The following IFT88 variants were observed in gnomAD, a reference collection of about 807,000 sequenced individuals.
The protein encoded by IFT88 is intraflagellar transport protein 88 homolog.
IFT88 carries 74 observed loss-of-function variants against 119.5 expected under a neutral mutation model. That is an observed-to-expected ratio of 0.62 (90% CI 0.51 to 0.75). The LOEUF (loss-of-function observed/expected upper bound fraction) is 0.75, where lower values mean the gene tolerates loss of function less well. Among genes scored for constraint, IFT88 ranks in the 30% least tolerant of loss-of-function variants. The pLI is 0.00. For synonymous variants in IFT88, 279 were observed against 316.7 expected (o/e 0.88, Z 1.26); for missense variants, 961 against 977.7 (o/e 0.98, Z 0.23).
intron 8 of IFT88, 26 bp from the exon 9 acceptor site, chr13:20,596,989 G>A (rs1477046921): frequency 1.5e-6 from 2 of 1,324,518 alleles, no homozygotes; most frequent in Admixed American, 2.2e-5. Context: ...CTCAAAGGAA[G>A]TTACAAGGTA....
intron 22 of IFT88, among the ~76,000 whole-genome samples, chr13:20,657,490 A>T (rs531989649): frequency 1.3e-5 from 2 of 152,352 alleles, no homozygotes; most frequent in East Asian, 3.9e-4. Context: ...TGGGAAGAAG[A>T]AGTATCTCTT....
At chr13:20,621,957 T>A (rs1396389848) in intron 14 of IFT88, among the ~76,000 whole-genome samples, 1 of 152,218 alleles carries the variant, frequency 6.6e-6, no homozygotes, top group Non-Finnish European at 1.5e-5. Context: ...TAGTTTTGGC[T>A]TTTCCAGAAT....
chr13:20,618,211 C>T (rs1012458936), intron 14 of IFT88, among the ~76,000 whole-genome samples: 2 of 152,184 alleles, frequency 1.3e-5, no homozygotes, highest in African/African-American at 2.4e-5. Context: ...TGAGCCACTG[C>T]GCCTGGCCGG....
chr13:20,598,148 G>A (rs1015342351), intron 9 of IFT88, among the ~76,000 whole-genome samples: 12 of 152,056 alleles, frequency 7.9e-5, no homozygotes, highest in South Asian at 2.1e-4. Context: ...GATACTCTAC[G>A]ATTCCATGAA....
Position 20,596,915 on chromosome 13 carries a change from A to T in IFT88, c.490-100A>T, listed in dbSNP as rs905679935. 3 of 623,714 alleles carry T rather than the reference A, an allele frequency of 4.8e-6. No individual in the cohort carries two copies. The African/African-American group carries it at 5.7e-5, about 12-fold the overall frequency. The allele number at this position is 623,714 out of a possible 1,614,324, so 38.6% of individuals were successfully genotyped here. A position where few individuals can be genotyped will look rare whatever the true frequency, so the allele number is the denominator to read the frequency against. ...CAGGGGTGTCTTGAGGAATCTGAGG[A>T]TAGAAAATGAATTCATCCAACCTTC... On this transcript the variant is annotated intron_variant, in intron 8 of 25. Transcript: ENST00000351808.
At position 20,662,503 on chromosome 13, in the gene IFT88, AAG is replaced by A. The variant is rs773143295; in HGVS notation, c.2069-991_2069-990del. On this transcript the variant is annotated intron_variant, in intron 22 of 25. Transcript: ENST00000351808. ...AAGCCACACAGAGACACAACAAAAA[AAG>A]AGAATTTTAGACCAATATCCCTGAT... is the stretch of plus-strand genomic sequence containing the variant. Among the ~76,000 whole-genome samples, 139 of 152,320 alleles carry A rather than the reference AAG, an allele frequency of 9.1e-4. 1 individual carries two copies. Among genetic ancestry groups the A allele is most frequent in the Non-Finnish European group, 1.5e-3 (103 of 68,004 alleles).
In IFT88 at chr13:20,608,855, C is replaced by T. The variant is rs144226871; in HGVS notation, c.1112+3750C>T. Among the ~76,000 whole-genome samples, 148 of 152,310 alleles carry T rather than the reference C, an allele frequency of 9.7e-4. 2 individuals carry two copies. In the South Asian group the frequency reaches 0.021, roughly 21 times the overall value. On this transcript the variant is annotated intron_variant, in intron 13 of 25. Transcript: ENST00000351808. Reference sequence around the variant, plus strand: ...TGCCCTGCATGTCAGAGTTGGCATCCGGCTGGATCCAGAGGAAAGGGAAAC... The same window carrying T: ...TGCCCTGCATGTCAGAGTTGGCATCTGGCTGGATCCAGAGGAAAGGGAAAC...
intron 5 of IFT88, 43 bp from the exon 6 acceptor site, chr13:20,591,575 A>G: frequency 6.9e-7 from 1 of 1,446,252 alleles, no homozygotes; most frequent in Non-Finnish European, 9.7e-7. Context: ...TACATAGGAG[A>G]TAGATCTTAT....
intron 3 of IFT88, among the ~76,000 whole-genome samples, chr13:20,588,304 A>G (rs1354131372): frequency 5.3e-5 from 8 of 151,890 alleles, no homozygotes; most frequent in South Asian, 2.1e-4. Context: ...TTCCGTTGCT[A>G]TTACTAATCT....
chr13:20,659,889 G>A (rs1054019345), intron 22 of IFT88, among the ~76,000 whole-genome samples: 2 of 152,090 alleles, frequency 1.3e-5, no homozygotes, highest in African/African-American at 2.4e-5. Context: ...TGATCTGCCC[G>A]CCTCAGCCTC....
At chr13:20,624,098 T>C (rs2046947100) in intron 14 of IFT88, among the ~76,000 whole-genome samples, 1 of 152,234 alleles carries the variant, frequency 6.6e-6, no homozygotes, top group Non-Finnish European at 1.5e-5. Context: ...TAATTTCAAC[T>C]CTGAAATTTG....
chr13:20,644,167 G>C (rs558902365), intron 19 of IFT88, among the ~76,000 whole-genome samples: 7 of 152,228 alleles, frequency 4.6e-5, no homozygotes, highest in Admixed American at 4.6e-4. Flanking sequence ...AAGAGATGAA[G>C]AACAGCCTAG....
chr13:20,621,526 TAAAAAAAAAAAAAA>T (rs200491393), intron 14 of IFT88, among the ~76,000 whole-genome samples: 12 of 130,746 alleles, frequency 9.2e-5, no homozygotes, highest in Admixed American at 3.7e-4. Flanking sequence ...CCTGCTGAGA[TAAAAAAAAAAAAAA>T]AAAAAAAAAA....
chr13:20,644,105 G>A (rs989002732), intron 19 of IFT88, among the ~76,000 whole-genome samples: 2 of 152,104 alleles, frequency 1.3e-5, no homozygotes, highest in Non-Finnish European at 2.9e-5. Flanking sequence ...GGTGGCTCAC[G>A]TCTATAATCC....
intron 1 of IFT88, among the ~76,000 whole-genome samples, chr13:20,569,323 C>T (rs931326613): frequency 6.6e-6 from 1 of 152,008 alleles, no homozygotes; most frequent in Non-Finnish European, 1.5e-5. Context: ...CCTGTAATCC[C>T]AGCACTTTGG....
intron 3 of IFT88, among the ~76,000 whole-genome samples, chr13:20,584,173 A>G (rs1013921263): frequency 2.0e-5 from 3 of 147,240 alleles, no homozygotes; most frequent in African/African-American, 7.5e-5. Flanking sequence ...AAAAAATGTC[A>G]TTTGGATAGT....
chr13:20,637,159 AT>A (rs904233741), intron 16 of IFT88, among the ~76,000 whole-genome samples: 4 of 152,156 alleles, frequency 2.6e-5, no homozygotes, highest in African/African-American at 9.7e-5. Context: ...GGAAGTGACT[AT>A]TGATGGGTAC....
At chr13:20,571,295 A>G (rs2036323479) in intron 1 of IFT88, among the ~76,000 whole-genome samples, 1 of 152,200 alleles carries the variant, frequency 6.6e-6, no homozygotes, top group African/African-American at 2.4e-5. Context: ...CGCCCAGCCT[A>G]AGCTGAAAAT....
intron 14 of IFT88, among the ~76,000 whole-genome samples, chr13:20,624,122 C>T (rs758986072): frequency 5.3e-5 from 8 of 152,090 alleles, no homozygotes; most frequent in Non-Finnish European, 1.0e-4. Flanking sequence ...CAGCTTGGTA[C>T]GCAATCCAAA....
Sources: gnomAD v4.1 joint callset for allele counts (sites outside exome capture counted in the v4.1 genomes callset) on GRCh38, gnomAD v4.1.1 for gene constraint, MANE v1.5 for transcripts, NCBI Gene and HGNC (gene_info 2026-07-23, HGNC 2026-07-21) for gene names.